Variants in GRID1 observed in about 807,000 individuals in gnomAD.
GRID1 encodes the protein glutamate ionotropic receptor delta type subunit 1, also known as glutamate receptor ionotropic, delta-1.
Under a neutral mutation model 98.0 loss-of-function variants are expected in GRID1, and 28 were observed. That is an observed-to-expected ratio of 0.29 (90% confidence interval 0.21 to 0.39). The LOEUF is 0.39. Among genes scored for constraint, GRID1 ranks in the 10% least tolerant of loss-of-function variants. The pLI is 1.00. For synonymous variants in GRID1, 553 were observed against 538.5 expected (o/e 1.03, Z -0.37); for missense variants, 1,111 against 1,340.5 (o/e 0.83, Z 2.67).
At chr10:85,884,531 A>C (rs746964228) in intron 5 of GRID1, among the ~76,000 whole-genome samples, 2 of 152,164 alleles carry the variant, frequency 1.3e-5, no homozygotes, top group Non-Finnish European at 2.9e-5. Context: ...GTATTCTTGA[A>C]TCATCTCATT....
intron 2 of GRID1, among the ~76,000 whole-genome samples, chr10:86,275,313 T>A (rs932596551): frequency 6.6e-6 from 1 of 151,354 alleles, no homozygotes; most frequent in African/African-American, 2.4e-5. Context: ...ACAATATGTT[T>A]TCTAGAGTTA....
At chr10:86,317,929 G>A (rs1418351818) in intron 2 of GRID1, among the ~76,000 whole-genome samples, 1 of 152,016 alleles carries the variant, frequency 6.6e-6, no homozygotes, top group East Asian at 1.9e-4. Context: ...TTTTTGTAAA[G>A]ACAGGGTATT....
In GRID1 at chr10:85,604,956, G is replaced by A. The variant is rs116471856; in HGVS notation, c.2602-2255C>T. ...ACTATCAAGAGACAGGTTACCTAAC[G>A]AAGAGACAGGACCATGATCCAAATA... On this transcript the variant is annotated intron_variant, in intron 15 of 15. Transcript: ENST00000327946. Among the ~76,000 whole-genome samples the A allele has an allele frequency of 3.4e-3, 525 of 152,284 alleles. 6 individuals carry two copies. Among genetic ancestry groups the A allele is most frequent in the African/African-American group, 0.012 (502 of 41,572 alleles).
intron 4 of GRID1, among the ~76,000 whole-genome samples, chr10:86,020,308 A>G (rs1843032759): frequency 6.6e-6 from 1 of 152,180 alleles, no homozygotes; most frequent in Non-Finnish European, 1.5e-5. Context: ...GAGGAGCAGA[A>G]GCAGAGCCGG....
chr10:86,084,233 T>C lies in GRID1; in HGVS notation c.726+54586A>G, dbSNP rs142589021. ...CCAGGCTGTGAGCACCACCGAAGACTTCCTGGAAGAGGTGATGACTGACCT... is the reference window on the plus strand; with the variant it reads ...CCAGGCTGTGAGCACCACCGAAGACCTCCTGGAAGAGGTGATGACTGACCT... On this transcript the variant is annotated intron_variant, in intron 4 of 15. Transcript: ENST00000327946. Among the ~76,000 whole-genome samples, 698 of 152,088 alleles carry C rather than the reference T, an allele frequency of 4.6e-3. 7 individuals are homozygous for C. Among genetic ancestry groups the C allele is most frequent in the African/African-American group, 0.016 (655 of 41,490 alleles).
chr10:86,360,949 T>C (rs1233304491), intron 2 of GRID1, among the ~76,000 whole-genome samples: 1 of 152,234 alleles, frequency 6.6e-6, no homozygotes, highest in African/African-American at 2.4e-5. Context: ...TGTGGGCTTG[T>C]CCAGTCAATG....
At chr10:85,608,392 T>C (rs1186014460) in intron 15 of GRID1, among the ~76,000 whole-genome samples, 1 of 152,204 alleles carries the variant, frequency 6.6e-6, no homozygotes, top group African/African-American at 2.4e-5. Flanking sequence ...ACCTCTGACA[T>C]GCAGCCAGAA....
chr10:85,678,389 G>A (rs752668459), intron 12 of GRID1, among the ~76,000 whole-genome samples: 9 of 152,272 alleles, frequency 5.9e-5, no homozygotes, highest in Non-Finnish European at 1.2e-4. Context: ...CACATTCAAA[G>A]AGAATTCTAG....
Position 86,229,658 on chromosome 10 carries a change from T to C in GRID1, c.236-23010A>G, listed in dbSNP as rs151251528. ...GCTTCATTCTTAAGCAGGTTTGTCA[T>C]AGCCCAGCACTGCCTGGAGTTCAAC... On this transcript the variant is annotated intron_variant, in intron 2 of 15. Transcript: ENST00000327946. 4.6e-3 allele frequency among the ~76,000 whole-genome samples: 693 copies of C among 152,224 alleles called. 7 individuals are homozygous for C. Among genetic ancestry groups the C allele is most frequent in the African/African-American group, 0.016 (659 of 41,526 alleles).
chr10:86,144,633 G>A (rs182602515), intron 3 of GRID1, among the ~76,000 whole-genome samples: 8 of 152,150 alleles, frequency 5.3e-5, no homozygotes, highest in Non-Finnish European at 7.4e-5. Context: ...TGTCTTCCAC[G>A]GTTCTCCAGC....
rs1271190428 is a variant in GRID1 at position 86,365,088 on chromosome 10, G to C, written c.80-992C>G. On this transcript the variant is annotated intron_variant, in intron 1 of 15. Transcript: ENST00000327946. This position sits in a 1 kb window ranked among gnomAD's most constrained non-coding sequence, Gnocchi z 4.8. ...GAGCTGGGGGCTGGGTAGGAGGAGG[G>C]AGGCCCGGATTCCTCACTACACCCG... Among the ~76,000 whole-genome samples the C allele has an allele frequency of 6.6e-6, 1 of 152,090 alleles. No individual in the cohort carries two copies. The highest frequency in any genetic ancestry group is 1.5e-5 in the Non-Finnish European group (1 of 68,002).
intron 4 of GRID1, among the ~76,000 whole-genome samples, chr10:86,094,205 T>C (rs916695654): frequency 3.9e-5 from 6 of 152,178 alleles, no homozygotes; most frequent in African/African-American, 1.4e-4. Context: ...CTTAATGTAA[T>C]AAAAGCCATC....
In GRID1 at chr10:85,904,715, TA is replaced by T. The variant is rs544729989; in HGVS notation, c.780+11470del. 6.2e-3 allele frequency among the ~76,000 whole-genome samples: 868 copies of T among 140,366 alleles called. 10 individuals carry two copies. The highest frequency in any genetic ancestry group is 0.018 in the African/African-American group (699 of 38,248). The allele number at this position is 140,366 out of a possible 152,430, so 92.1% of individuals were successfully genotyped here. A position where few individuals can be genotyped will look rare whatever the true frequency, so the allele number is the denominator to read the frequency against. ...AAATCAAAACTACAATGTATGAAATTAAAAAAAAAAACACTGGACAGAATAG... is the reference window on the plus strand; with the variant it reads ...AAATCAAAACTACAATGTATGAAATTAAAAAAAAAACACTGGACAGAATAG... On this transcript the variant is annotated intron_variant, in intron 5 of 15. Transcript: ENST00000327946.
At chr10:86,104,139 T>C (rs74148925) in intron 4 of GRID1, among the ~76,000 whole-genome samples, 6,225 of 152,252 alleles carry the variant, frequency 0.041, 400 homozygotes, top group African/African-American at 0.14. Context: ...GCCCACCCTG[T>C]TCTTTAACAA....
chr10:86,005,713 T>C (rs762133867), intron 4 of GRID1, among the ~76,000 whole-genome samples: 1 of 152,130 alleles, frequency 6.6e-6, no homozygotes, highest in South Asian at 2.1e-4. Flanking sequence ...AGAGCAGACA[T>C]AGAATTCAGA....
chr10:85,681,073 G>A (rs773253986), intron 12 of GRID1, among the ~76,000 whole-genome samples: 8 of 152,054 alleles, frequency 5.3e-5, no homozygotes, highest in East Asian at 1.9e-4. Flanking sequence ...CCCAGACTTC[G>A]TCACTACGCA....
At chr10:86,336,162 G>T (rs1848218246) in intron 2 of GRID1, among the ~76,000 whole-genome samples, 1 of 152,244 alleles carries the variant, frequency 6.6e-6, no homozygotes, top group Non-Finnish European at 1.5e-5. Flanking sequence ...CTAGGAGTCT[G>T]ATCACTGGAC....
intron 12 of GRID1, among the ~76,000 whole-genome samples, chr10:85,649,566 C>G (rs117156471): frequency 0.033 from 5,043 of 151,868 alleles, 123 homozygotes; most frequent in Non-Finnish European, 0.047. Context: ...TGAGAAACAT[C>G]AGGATAAATT....
At chr10:86,227,437 T>A (rs1294934996) in intron 2 of GRID1, among the ~76,000 whole-genome samples, 1 of 152,128 alleles carries the variant, frequency 6.6e-6, no homozygotes, top group East Asian at 1.9e-4. Context: ...TTTTCCTGCC[T>A]CCAGCCTTGC....
Sources: allele counts gnomAD v4.1 joint callset (sites outside exome capture counted in the v4.1 genomes callset), GRCh38; gene constraint gnomAD v4.1.1; non-coding constraint Gnocchi (gnomAD v3.1); transcripts MANE v1.5; gene names NCBI Gene and HGNC (gene_info 2026-07-23, HGNC 2026-07-21).